The following BAALC variants were observed in gnomAD, a reference collection of about 807,000 sequenced individuals.
BAALC encodes brain and acute leukemia cytoplasmic protein.
BAALC carries 9 observed loss-of-function variants against 15.5 expected under a neutral mutation model. The observed-to-expected ratio is 0.58, with a 90% confidence interval of 0.35 to 1.02. The LOEUF is 1.02. BAALC is among the 50% of genes least tolerant of loss of function. The probability of loss-of-function intolerance (pLI) is 0.02; values close to 1 mark genes in which losing one functional copy is unlikely to be tolerated. For synonymous variants in BAALC, 80 were observed against 74.6 expected, an observed-to-expected ratio of 1.07 and a Z score of -0.37; for missense variants, 201 against 192.4, an observed-to-expected ratio of 1.04 and a Z score of -0.27.
At chr8:103,207,794 G>A (rs1812364206) in intron 1 of BAALC, among the ~76,000 whole-genome samples, 2 of 152,034 alleles carry the variant, frequency 1.3e-5, no homozygotes, top group Non-Finnish European at 2.9e-5. Context: ...TGGGTGAGGA[G>A]GTAAAAAAAT....
intron 1 of BAALC, among the ~76,000 whole-genome samples, chr8:103,189,325 CTG>C (rs1249656996): frequency 6.6e-6 from 1 of 152,074 alleles, no homozygotes; most frequent in Non-Finnish European, 1.5e-5. Flanking sequence ...AGAGATCAAA[CTG>C]TGCGAGAATT....
intron 1 of BAALC, among the ~76,000 whole-genome samples, chr8:103,185,326 G>A (rs1243541659): frequency 6.6e-6 from 1 of 151,908 alleles, no homozygotes; most frequent in Non-Finnish European, 1.5e-5. Flanking sequence ...AAAGAAATGG[G>A]CCCATAAAAT....
intron 1 of BAALC, 72 bp from the exon 2 acceptor site, chr8:103,212,847 A>G: frequency 1.4e-6 from 2 of 1,479,706 alleles, no homozygotes; most frequent in Non-Finnish European, 1.8e-6. Flanking sequence ...CTGTTTCTCC[A>G]CCATTTTGGG....
chr8:103,215,086 G>T (rs768924137), intron 2 of BAALC: 1 of 152,196 alleles, frequency 6.6e-6, no homozygotes, highest in Non-Finnish European at 1.5e-5. Context: ...ATAAGCCGTG[G>T]TCAAGAGGAA....
chr8:103,218,348 T>C (rs1046947042), intron 2 of BAALC, among the ~76,000 whole-genome samples: 2 of 150,224 alleles, frequency 1.3e-5, no homozygotes, highest in Non-Finnish European at 3.0e-5. Flanking sequence ...CCCCAGTCAT[T>C]TGGGGCCTTA....
At chr8:103,208,493 C>A (rs1812377927) in intron 1 of BAALC, 1 of 152,202 alleles carries the variant, frequency 6.6e-6, no homozygotes, top group African/African-American at 2.4e-5. Flanking sequence ...GGCAGCTCTG[C>A]CTTGGTCTGT....
intron 1 of BAALC, among the ~76,000 whole-genome samples, chr8:103,147,358 G>A (rs1056880910): frequency 1.3e-5 from 2 of 152,168 alleles, no homozygotes; most frequent in South Asian, 2.1e-4. Flanking sequence ...ATGGGATGAC[G>A]ATAGTCAATA....
chr8:103,175,072 C>A (rs1414578936), intron 1 of BAALC, among the ~76,000 whole-genome samples: 1 of 152,226 alleles, frequency 6.6e-6, no homozygotes, highest in African/African-American at 2.4e-5. Flanking sequence ...AACTTCCTCA[C>A]TCCCTGCAGT....
Position 103,229,574 on chromosome 8 carries a change from T to TG in BAALC, c.*1479dup, listed in dbSNP as rs1383708602. 6.6e-6 allele frequency: 1 copy of TG among 152,230 alleles called. No individual in the cohort carries two copies. Among genetic ancestry groups the TG allele is most frequent in the East Asian group, 1.9e-4 (1 of 5,198 alleles). 9.4% of individuals were successfully genotyped at this position (152,230 alleles called of 1,614,324 possible). On this transcript the variant is annotated 3_prime_UTR_variant, in exon 3 of 3. Transcript: ENST00000309982. ...GGTACTATGCAGATGTTGAGGGATT[T>TG]GGGGTCTGGTTAGTCGTGACTATCT...
chr8:103,193,197 C>T (rs754415310), intron 1 of BAALC, among the ~76,000 whole-genome samples: 21 of 152,246 alleles, frequency 1.4e-4, no homozygotes, highest in Non-Finnish European at 2.4e-4. Context: ...CTGTCACAGG[C>T]GTCACTTATC....
At chr8:103,152,331 T>C (rs1291092308) in intron 1 of BAALC, among the ~76,000 whole-genome samples, 1 of 152,080 alleles carries the variant, frequency 6.6e-6, no homozygotes, top group East Asian at 1.9e-4. Context: ...ATGGAGCCCC[T>C]TCCTGTCACA....
chr8:103,144,438 C>G (rs1416920746), intron 1 of BAALC, among the ~76,000 whole-genome samples: 1 of 152,214 alleles, frequency 6.6e-6, no homozygotes, highest in East Asian at 1.9e-4. Context: ...GTCTGTCCCT[C>G]TGTTACAGAA....
intron 1 of BAALC, 144 bp from the exon 2 acceptor site, chr8:103,212,775 T>C (rs1458669083): frequency 3.2e-5 from 23 of 718,762 alleles, no homozygotes; most frequent in Non-Finnish European, 4.5e-5. Flanking sequence ...TATGTTCTTA[T>C]AGAAAAGGGT....
chr8:103,210,763 C>T (rs1812431813), intron 1 of BAALC, among the ~76,000 whole-genome samples: 1 of 152,076 alleles, frequency 6.6e-6, no homozygotes, highest in Non-Finnish European at 1.5e-5. Flanking sequence ...CTTTATTTTT[C>T]CTCTTAAATT....
chr8:103,175,783 C>T (rs1005405440), intron 1 of BAALC, among the ~76,000 whole-genome samples: 1 of 152,188 alleles, frequency 6.6e-6, no homozygotes, highest in South Asian at 2.1e-4. Flanking sequence ...GTGGAGAAGT[C>T]CTGCCTTGCC....
At chr8:103,217,463 T>TG (rs2130078647) in intron 2 of BAALC, among the ~76,000 whole-genome samples, 1 of 101,268 alleles carries the variant, frequency 9.9e-6, no homozygotes, top group South Asian at 3.2e-4. Flanking sequence ...TTTGATATAC[T>TG]GTTTTTTTCC....
At chr8:103,220,001 A>T (rs1394046389) in intron 2 of BAALC, among the ~76,000 whole-genome samples, 1 of 152,148 alleles carries the variant, frequency 6.6e-6, no homozygotes, top group Non-Finnish European at 1.5e-5. Flanking sequence ...ATCATTTCCT[A>T]CCTGGGAAAA....
chr8:103,185,098 C>T (rs1811803953), intron 1 of BAALC, among the ~76,000 whole-genome samples: 1 of 152,022 alleles, frequency 6.6e-6, no homozygotes, highest in Admixed American at 6.6e-5. Context: ...TCTGTACGTA[C>T]CAGGCAGCTT....
chr8:103,196,320 G>C (rs1378806599), intron 1 of BAALC, among the ~76,000 whole-genome samples: 1 of 152,080 alleles, frequency 6.6e-6, no homozygotes, highest in Non-Finnish European at 1.5e-5. Flanking sequence ...TCATTCTGTT[G>C]CCCAGGCTGG....
Sources: allele counts gnomAD v4.1 joint callset (sites outside exome capture counted in the v4.1 genomes callset), GRCh38; gene constraint gnomAD v4.1.1; transcripts MANE v1.5; gene names NCBI Gene and HGNC (gene_info 2026-07-23, HGNC 2026-07-21).